The following GDAP2 variants were observed in gnomAD, a reference collection of about 807,000 sequenced individuals.
The protein encoded by GDAP2 is ganglioside induced differentiation associated protein 2.
GDAP2 carries 51 observed loss-of-function variants against 67.0 expected under a neutral mutation model. The ratio of observed to expected loss-of-function variants is 0.76; its 90% CI spans 0.61 to 0.96. The LOEUF is 0.96. Among genes scored for constraint, GDAP2 ranks in the 40% least tolerant of loss-of-function variants. The pLI, the probability that GDAP2 is intolerant of heterozygous loss-of-function variation, is 0.00. For missense variants in GDAP2, 547 were observed against 588.3 expected (o/e 0.93, Z 0.73); for synonymous variants, 203 against 207.3 (o/e 0.98, Z 0.18).
intron 5 of GDAP2, among the ~76,000 whole-genome samples, chr1:117,911,370 G>T (rs1225886404): frequency 3.3e-5 from 5 of 152,072 alleles, no homozygotes; most frequent in Admixed American, 3.3e-4. Context: ...TATTTAAACT[G>T]CCAAGTGTTA....
At chr1:117,914,464 G>GA (rs1238761771) in intron 3 of GDAP2, among the ~76,000 whole-genome samples, 1 of 151,936 alleles carries the variant, frequency 6.6e-6, no homozygotes, top group Non-Finnish European at 1.5e-5. Flanking sequence ...AATTAAACAA[G>GA]AAAATACAAC....
At chr1:117,885,188 CT>C (rs959392026) in intron 10 of GDAP2, among the ~76,000 whole-genome samples, 1 of 151,910 alleles carries the variant, frequency 6.6e-6, no homozygotes, top group Non-Finnish European at 1.5e-5. Flanking sequence ...CTTTATTATT[CT>C]TTTTTATCCT....
Position 117,918,757 on chromosome 1 carries a change from G to A in GDAP2, c.177-21C>T, listed in dbSNP as rs768225149. On this transcript the variant is annotated intron_variant, in intron 2 of 13. Coordinates refer to ENST00000369443, the MANE Select transcript of GDAP2 (RefSeq NM_017686.4). ...CTTTCCTGAAGAAACAATAAAGAAT[G>A]AACAAGTGTGGGGAAAAAGAAGAAA... 19 of 1,573,126 alleles carry A rather than the reference G, an allele frequency of 1.2e-5. 1 individual carries two copies. In the South Asian group the frequency reaches 2.2e-4, roughly 18 times the overall value.
intron 5 of GDAP2, 64 bp downstream of exon 5, chr1:117,911,930 C>G: frequency 2.2e-6 from 2 of 896,196 alleles, no homozygotes; most frequent in South Asian, 2.7e-5. Flanking sequence ...TATAAGCCAC[C>G]ATGCCCAGAA....
intron 10 of GDAP2, among the ~76,000 whole-genome samples, chr1:117,885,934 C>T (rs1442637411): frequency 1.3e-5 from 2 of 152,078 alleles, no homozygotes; most frequent in African/African-American, 4.8e-5. Flanking sequence ...TACTTCCACA[C>T]TTTGGGTTAT....
intron 6 of GDAP2, among the ~76,000 whole-genome samples, chr1:117,900,062 A>G (rs1258867242): frequency 6.6e-6 from 1 of 152,190 alleles, no homozygotes; most frequent in African/African-American, 2.4e-5. Context: ...TTATAAAAAA[A>G]CTGAGATACA....
intron 10 of GDAP2, among the ~76,000 whole-genome samples, chr1:117,884,387 G>A (rs907952708): frequency 1.6e-4 from 25 of 152,310 alleles, no homozygotes; most frequent in African/African-American, 6.0e-4. Context: ...TGGTTTAGCT[G>A]TAAACAATCA....
chr1:117,879,721 C>G (rs1648586372), intron 12 of GDAP2, among the ~76,000 whole-genome samples: 1 of 152,134 alleles, frequency 6.6e-6, no homozygotes, highest in African/African-American at 2.4e-5. Flanking sequence ...CCCAGGTAAT[C>G]TGAATCTTGA....
chr1:117,915,512 A>C (rs1235801009), intron 3 of GDAP2, among the ~76,000 whole-genome samples: 1 of 152,250 alleles, frequency 6.6e-6, no homozygotes, highest in Non-Finnish European at 1.5e-5. Context: ...TGGTCTGGGT[A>C]GTAGATGTAA....
At chr1:117,916,031 C>T (rs1650034962) in intron 3 of GDAP2, among the ~76,000 whole-genome samples, 1 of 152,050 alleles carries the variant, frequency 6.6e-6, no homozygotes, top group South Asian at 2.1e-4. Context: ...TTAGGGGTAC[C>T]CCAACTTATA....
chr1:117,878,750 TG>T (rs112402273), intron 12 of GDAP2, among the ~76,000 whole-genome samples: 1 of 152,306 alleles, frequency 6.6e-6, no homozygotes, highest in African/African-American at 2.4e-5. Context: ...CAAAATTTGT[TG>T]GTTCCCAAAA....
At chr1:117,927,024 G>A (rs1650472760) in intron 1 of GDAP2, among the ~76,000 whole-genome samples, 1 of 149,000 alleles carries the variant, frequency 6.7e-6, no homozygotes, top group South Asian at 2.1e-4. Flanking sequence ...GGCTCTTGAA[G>A]CAAGACATTA....
At chr1:117,876,124 T>C (rs1349221636) in intron 13 of GDAP2, among the ~76,000 whole-genome samples, 1 of 152,130 alleles carries the variant, frequency 6.6e-6, no homozygotes, top group Non-Finnish European at 1.5e-5. Flanking sequence ...TCCCCAGTGT[T>C]GGAGGTGGGG....
chr1:117,881,759 C>T, intron 12 of GDAP2, 64 bp downstream of exon 12: 2 of 852,534 alleles, frequency 2.3e-6, no homozygotes, highest in Non-Finnish European at 4.1e-6. Context: ...GAGCTATTAT[C>T]TTAATACTCT....
chr1:117,893,242 G>A (rs1362095066), intron 8 of GDAP2, among the ~76,000 whole-genome samples: 2 of 152,140 alleles, frequency 1.3e-5, no homozygotes, highest in Non-Finnish European at 2.9e-5. Flanking sequence ...AAAATAACTT[G>A]AAGAGTTTCA....
intron 1 of GDAP2, among the ~76,000 whole-genome samples, chr1:117,920,728 CCTA>C (rs1570996297): frequency 6.8e-6 from 1 of 147,924 alleles, no homozygotes; most frequent in Non-Finnish European, 1.5e-5. Context: ...TCACTGAGTG[CCTA>C]CTATTGAAAA....
chr1:117,866,569 A>G lies in GDAP2; in HGVS notation c.*4000T>C, dbSNP rs1648067812. 1 of 152,142 alleles carries G rather than the reference A, an allele frequency of 6.6e-6. No individual in the cohort carries two copies. Among genetic ancestry groups the G allele is most frequent in the African/African-American group, 2.4e-5 (1 of 41,410 alleles). 9.4% of individuals were successfully genotyped at this position (152,142 alleles called of 1,614,324 possible). A position where few individuals can be genotyped will look rare whatever the true frequency, so the allele number is the denominator to read the frequency against. Reference sequence around the variant, plus strand: ...CAACTTAAGAAAACTATAATCAGAAACCTGGCCAGGCACAGTGGCTTATGC... The same window carrying G: ...CAACTTAAGAAAACTATAATCAGAAGCCTGGCCAGGCACAGTGGCTTATGC... On this transcript the variant is annotated 3_prime_UTR_variant, in exon 14 of 14. Coordinates refer to ENST00000369443, the MANE Select transcript of GDAP2 (RefSeq NM_017686.4).
intron 10 of GDAP2, among the ~76,000 whole-genome samples, chr1:117,884,814 G>T (rs4659351): frequency 6.6e-5 from 2 of 30,428 alleles, no homozygotes; most frequent in African/African-American, 4.3e-4. Flanking sequence ...TATTCCCTCC[G>T]TGTGTGTGTG....
Position 117,906,515 on chromosome 1 carries a change from A to G in GDAP2, c.627T>C (p.Asp209=). Residue 209 remains aspartate (D), a synonymous_variant, in exon 6 of 14, where the codon GAT becomes GAC. Coordinates refer to ENST00000369443, the MANE Select transcript of GDAP2 (RefSeq NM_017686.4). ...ACAGTTAGCAAAATACCTCTTCAAG[A>G]TCAGAGACAGCAAATACTACTTTTT... is the stretch of plus-strand genomic sequence containing the variant. The part of the protein sequence containing the change: ...TIEKVVFAVS[D]LEEGTYQKLL... 1 of 1,543,672 alleles carries G rather than the reference A, an allele frequency of 6.5e-7. No homozygotes were observed. The highest frequency in any genetic ancestry group is 8.9e-7 in the Non-Finnish European group (1 of 1,119,956).
Sources: allele counts gnomAD v4.1 joint callset (sites outside exome capture counted in the v4.1 genomes callset), GRCh38; gene constraint gnomAD v4.1.1; transcripts MANE v1.5; gene names NCBI Gene and HGNC (gene_info 2026-07-23, HGNC 2026-07-21).